The following COL3A1 variants were observed in gnomAD, a reference collection of about 807,000 sequenced individuals.
The protein encoded by COL3A1 is collagen alpha-1(III) chain.
COL3A1 carries 46 observed loss-of-function variants against 200.9 expected under a neutral mutation model. The ratio of observed to expected loss-of-function variants is 0.23; its 90% CI spans 0.18 to 0.29. The LOEUF (loss-of-function observed/expected upper bound fraction) is 0.29, where lower values mean the gene tolerates loss of function less well. Among genes scored for constraint, COL3A1 ranks in the 10% least tolerant of loss-of-function variants. COL3A1 has a pLI of 1.00. For synonymous variants in COL3A1, 650 were observed against 628.0 expected (o/e 1.03, Z -0.52); for missense variants, 1,367 against 1,917.6 (o/e 0.71, Z 5.36).
intron 41 of COL3A1, 33 bp downstream of exon 41, chr2:189,005,490 A>C: frequency 6.5e-7 from 1 of 1,549,306 alleles, no homozygotes; most frequent in Non-Finnish European, 8.9e-7. Context: ...CCAGCCAGGT[A>C]GAATTTGATA....
rs758663093 is a variant in COL3A1 at position 188,985,789 on chromosome 2, T to TA, written c.447+12dup. The TA allele has an allele frequency of 2.5e-6, 4 of 1,576,438 alleles. No individual in the cohort carries two copies. In the East Asian group the frequency reaches 6.7e-5, roughly 26 times the overall value. ...CCTACTGGTCCTCAGGTATAACAAT[T>TA]ACGGTACTTAAAAAATTCCCTCATA... On this transcript the variant is annotated intron_variant, in intron 4 of 50. Coordinates refer to ENST00000304636, the MANE Select transcript of COL3A1 (RefSeq NM_000090.4).
Position 188,997,740 on chromosome 2 carries a change from C to A in COL3A1, c.1910C>A (p.Pro637Gln). 1 of 1,613,986 alleles carries A rather than the reference C, an allele frequency of 6.2e-7. No homozygotes were observed. ...AAAGGAGACACAGGACCCCCTGGTCCACAAGGATTACAAGTAAGAACTTGT... is the reference window on the plus strand; with the variant it reads ...AAAGGAGACACAGGACCCCCTGGTCAACAAGGATTACAAGTAAGAACTTGT... ...GDKGDTGPPGPQGLQGLPGTG... is the reference protein window; with the variant it reads ...GDKGDTGPPGQQGLQGLPGTG... Residue 637 changes from proline to glutamine, a missense_variant, in exon 27 of 51, where the codon CCA becomes CAA. Transcript: ENST00000304636.
rs771654029 is a variant in COL3A1, at chr2:188,987,126, A to C, written c.515A>C (p.Tyr172Ser). The change falls in exon 5 of 51, where the codon TAT (tyrosine) becomes TCT (serine). Residue 172 changes from tyrosine (Y) to serine (S), a missense_variant. Tyr to Ser is a moderately radical substitution (Grantham distance 144, BLOSUM62 -2). Coordinates refer to ENST00000304636, the MANE Select transcript of COL3A1 (RefSeq NM_000090.4). The part of the protein sequence containing the change: ...SGVAVGGLAG[Y>S]PGPAGPPGPP... ...GTAGCAGTAGGAGGACTCGCAGGCT[A>C]TCCTGGACCAGCTGTACGTACAAAT... is the stretch of plus-strand genomic sequence containing the variant. The C allele has an allele frequency of 4.0e-5, 64 of 1,612,126 alleles. No homozygotes were observed. The Middle Eastern group carries it at 8.2e-4, about 21-fold the overall frequency.
intron 29 of COL3A1, among the ~76,000 whole-genome samples, 198 bp downstream of exon 29, chr2:188,998,916 A>C (rs915464483): frequency 1.3e-5 from 2 of 152,224 alleles, no homozygotes; most frequent in Non-Finnish European, 2.9e-5. Flanking sequence ...CAATTCTCTG[A>C]CATTCATAAT....
At chr2:188,975,450 C>G (rs1320373601) in intron 1 of COL3A1, among the ~76,000 whole-genome samples, 1 of 152,024 alleles carries the variant, frequency 6.6e-6, no homozygotes, top group East Asian at 1.9e-4. Flanking sequence ...CTTTTATTTA[C>G]CATAGTCATG....
chr2:189,002,239 C>G, intron 34 of COL3A1, 59 bp from the exon 35 acceptor site: 1 of 1,336,464 alleles, frequency 7.5e-7, no homozygotes, highest in Non-Finnish European at 1.1e-6. Context: ...ATGACATTTC[C>G]TGCCTAAAGG....
At chr2:188,980,796 T>C (rs1365305491) in intron 1 of COL3A1, among the ~76,000 whole-genome samples, 1 of 151,080 alleles carries the variant, frequency 6.6e-6, no homozygotes, top group Non-Finnish European at 1.5e-5. Flanking sequence ...ACAATATCAT[T>C]TAAAAGGCAA....
At chr2:188,989,986 C>A in intron 8 of COL3A1, 110 bp from the exon 9 acceptor site, 1 of 984,636 alleles carries the variant, frequency 1.0e-6, no homozygotes, top group Admixed American at 1.8e-5. Context: ...TTTGTGGAAC[C>A]ATTTTAATGA....
intron 1 of COL3A1, among the ~76,000 whole-genome samples, chr2:188,982,380 A>G (rs1418123534): frequency 6.6e-6 from 1 of 151,836 alleles, no homozygotes; most frequent in Non-Finnish European, 1.5e-5. Context: ...AATGGAAAGT[A>G]CTGTATTTCT....
Position 189,007,909 on chromosome 2 carries a change from A to G in COL3A1, c.3388A>G (p.Ile1130Val). ...SPGPAGQQGA[I>V]GSPGPAGPRG... is the part of the protein sequence containing the mutation. ...GGGCCCTGCTGGTCAGCAGGGTGCA[A>G]TCGGCAGTCCAGGACCTGCAGGCCC... Residue 1130 changes from isoleucine to valine, a missense_variant, in exon 46 of 51, where the codon ATC becomes GTC. Coordinates refer to ENST00000304636, the MANE Select transcript of COL3A1 (RefSeq NM_000090.4). 2.5e-6 allele frequency: 4 copies of G among 1,614,120 alleles called. No homozygotes were observed. The highest frequency in any genetic ancestry group is 1.7e-4 in the Middle Eastern group (1 of 6,036).
chr2:188,995,559 T>C (rs1244733373), intron 21 of COL3A1, 133 bp from the exon 22 acceptor site: 1 of 657,458 alleles, frequency 1.5e-6, no homozygotes, highest in African/African-American at 1.8e-5. Flanking sequence ...TGATTTTATG[T>C]ATAAATGTTT....
chr2:189,005,569 T>G, intron 41 of COL3A1, 112 bp downstream of exon 41: 1 of 822,044 alleles, frequency 1.2e-6, no homozygotes. Context: ...ATAGCAAAGT[T>G]CTTCTATCTC....
Position 188,995,810 on chromosome 2 carries a change from T to G in COL3A1, c.1608+20T>G, listed in dbSNP as rs1187142680. ...ATGAGGGTACAGAGAAACATTTGTT[T>G]GAATGACACTTTAATTTAGACAGAA... On this transcript the variant is annotated intron_variant, in intron 22 of 50. Coordinates refer to ENST00000304636, the MANE Select transcript of COL3A1 (RefSeq NM_000090.4). 7.2e-6 allele frequency: 11 copies of G among 1,518,260 alleles called. No individual in the cohort carries two copies. The highest frequency in any genetic ancestry group is 9.0e-6 in the Non-Finnish European group (10 of 1,116,270). 94.0% of individuals were successfully genotyped at this position (1,518,260 alleles called of 1,614,324 possible). A position where few individuals can be genotyped will look rare whatever the true frequency, so the allele number is the denominator to read the frequency against.
At position 188,999,576 on chromosome 2, in the gene COL3A1, A is replaced by G; in HGVS notation, c.2228A>G (p.Lys743Arg). The G allele has an allele frequency of 1.2e-6, 2 of 1,606,642 alleles. No homozygotes were observed. The highest frequency in any genetic ancestry group is 1.7e-6 in the Non-Finnish European group (2 of 1,176,192). ...GGAAGTCCTGGTCCAAAGGGTGACA[A>G]GGTGTTGACTTGTTTTCTCTTAATT... is the stretch of plus-strand genomic sequence containing the variant. ...GLGSPGPKGD[K>R]GEPGGPGADG... The change falls in exon 31 of 51, where the codon AAG (lysine) becomes AGG (arginine). Residue 743 changes from lysine to arginine, a missense_variant and splice_region_variant. By Grantham distance (26) the Lys-to-Arg change is conservative. This residue lies in a region of COL3A1 where 846 missense variants were observed against 1,147.9 expected (regional missense o/e 0.74). Coordinates refer to ENST00000304636, the MANE Select transcript of COL3A1 (RefSeq NM_000090.4).
intron 24 of COL3A1, 73 bp from the exon 25 acceptor site, chr2:188,997,091 TA>T: frequency 2.2e-6 from 2 of 918,572 alleles, no homozygotes; most frequent in East Asian, 3.4e-5. Flanking sequence ...ATATGAGACA[TA>T]TATATATGAG....
rs1253839003 is a variant in COL3A1 at position 188,988,245 on chromosome 2, GA to G, written c.582+114del. On this transcript the variant is annotated intron_variant, in intron 6 of 50. Transcript: ENST00000304636. ...GCATGCATAATCCCAGTTAACTAGA[GA>G]AATCATAACCAAGAAACTGATTAAG... 4 of 965,612 alleles carry G rather than the reference GA, an allele frequency of 4.1e-6. No homozygotes were observed. The Admixed American group carries it at 7.3e-5, about 18-fold the overall frequency. The allele number at this position is 965,612 out of a possible 1,614,324, so 59.8% of individuals were successfully genotyped here. A position where few individuals can be genotyped will look rare whatever the true frequency, so the allele number is the denominator to read the frequency against.
At chr2:189,009,656 T>A (rs1208984718) in intron 48 of COL3A1, among the ~76,000 whole-genome samples, 1 of 152,168 alleles carries the variant, frequency 6.6e-6, no homozygotes, top group Non-Finnish European at 1.5e-5. Context: ...AATATTGTAA[T>A]AGTTTAAGGT....
chr2:188,988,219 A>G (rs1688103820), intron 6 of COL3A1, 85 bp downstream of exon 6: 2 of 1,173,282 alleles, frequency 1.7e-6, no homozygotes, highest in South Asian at 2.5e-5. Flanking sequence ...CAGCCATTCC[A>G]GCATGCATAA....
rs750197317 is a variant in COL3A1 at position 188,992,157 on chromosome 2, A to C, written c.952-27A>C. On this transcript the variant is annotated intron_variant, in intron 13 of 50. Transcript: ENST00000304636. ...TGACCAGCCATTCAGAATTAAAAGGATATTTGATGTAAACTTCTCTTTTTA... is the reference window on the plus strand; with the variant it reads ...TGACCAGCCATTCAGAATTAAAAGGCTATTTGATGTAAACTTCTCTTTTTA... 19 of 1,612,828 alleles carry C rather than the reference A, an allele frequency of 1.2e-5. No individual in the cohort carries two copies. In the East Asian group the frequency reaches 4.0e-4, roughly 34 times the overall value.
Sources: gnomAD v4.1 joint callset for allele counts (sites outside exome capture counted in the v4.1 genomes callset) on GRCh38, gnomAD v4.1.1 for gene constraint, gnomAD v4.1.1 regional missense constraint, MANE v1.5 for transcripts, NCBI Gene and HGNC (gene_info 2026-07-23, HGNC 2026-07-21) for gene names.